The following DPP6 variants were observed in gnomAD, a reference collection of about 807,000 sequenced individuals.
DPP6 encodes A-type potassium channel modulatory protein DPP6.
In DPP6, 69 loss-of-function variants were observed where a neutral mutation model predicts 122.6. The ratio of observed to expected loss-of-function variants is 0.56; its 90% CI spans 0.46 to 0.69. DPP6 has a LOEUF of 0.69. Among genes scored for constraint, DPP6 ranks in the 30% least tolerant of loss-of-function variants. DPP6 has a pLI of 0.00. For synonymous variants in DPP6, 418 were observed against 433.1 expected (o/e 0.97, Z 0.43); for missense variants, 928 against 1,116.9 (o/e 0.83, Z 2.41).
At chr7:154,332,251 T>C (rs891978846) in intron 1 of DPP6, among the ~76,000 whole-genome samples, 1 of 152,082 alleles carries the variant, frequency 6.6e-6, no homozygotes, top group Admixed American at 6.6e-5. Context: ...TGTGTATTTT[T>C]AGTAGGGACA....
At chr7:153,985,976 A>G (rs575494954) in intron 1 of DPP6, among the ~76,000 whole-genome samples, 1 of 152,356 alleles carries the variant, frequency 6.6e-6, no homozygotes. Flanking sequence ...GCGTCTGAGT[A>G]ATCACAGACA....
intron 1 of DPP6, among the ~76,000 whole-genome samples, chr7:153,986,810 C>G (rs1350122006): frequency 6.6e-6 from 1 of 151,782 alleles, no homozygotes; most frequent in East Asian, 1.9e-4. Context: ...GATTTGTAAA[C>G]TCTTGAAGCA....
chr7:154,814,407 A>G (rs180898573), intron 16 of DPP6, among the ~76,000 whole-genome samples: 1 of 152,270 alleles, frequency 6.6e-6, no homozygotes. Context: ...GGAGGGATGA[A>G]TGAGAAGTCA....
chr7:154,774,855 AATCCCTGCAGG>A (rs1796466256), intron 10 of DPP6, among the ~76,000 whole-genome samples: 1 of 152,184 alleles, frequency 6.6e-6, no homozygotes, highest in Non-Finnish European at 1.5e-5. Context: ...CTAGCAAGTA[AATCCCTGCAGG>A]TGTGAGAAGG....
At chr7:154,552,980 T>G (rs558755195) in intron 4 of DPP6, among the ~76,000 whole-genome samples, 17 of 152,210 alleles carry the variant, frequency 1.1e-4, no homozygotes, top group Non-Finnish European at 1.9e-4. Flanking sequence ...GGTAAGATAC[T>G]TTACTCAGGG....
chr7:153,885,018 A>ATATATATATATATATG, upstream of DPP6, among the ~76,000 whole-genome samples: 1 of 136,388 alleles, frequency 7.3e-6, no homozygotes, highest in East Asian at 2.2e-4. Flanking sequence ...ATATATATAT[A>ATATATATATATATATG]TATGTTTGTC....
intron 1 of DPP6, among the ~76,000 whole-genome samples, chr7:153,919,399 G>A (rs1800528942): frequency 1.3e-5 from 2 of 152,204 alleles, no homozygotes; most frequent in East Asian, 3.9e-4. Flanking sequence ...GGTTCCAGGA[G>A]GAACCCAGGC....
intron 1 of DPP6, among the ~76,000 whole-genome samples, chr7:154,116,199 A>G (rs572435556): frequency 1.3e-5 from 2 of 152,262 alleles, no homozygotes; most frequent in East Asian, 1.9e-4. Context: ...CTTTATTTAA[A>G]TTTTCTCATC....
In DPP6 at chr7:154,621,517, T is replaced by C. The variant is rs893533688; in HGVS notation, c.628-16304T>C. On this transcript the variant is annotated intron_variant, in intron 5 of 25. Transcript: ENST00000377770. ...CCAAGTAGCTGGGATTACAGGCTCA[T>C]GCCACCACACCCAGCTAATTTTTGT... 1.6e-4 allele frequency among the ~76,000 whole-genome samples: 24 copies of C among 151,942 alleles called. No individual in the cohort carries two copies. In the East Asian group the frequency reaches 2.3e-3, roughly 15 times the overall value.
At chr7:154,876,180 G>T in intron 20 of DPP6, 80 bp downstream of exon 20, 1 of 1,429,096 alleles carries the variant, frequency 7.0e-7, no homozygotes. Context: ...TCACAGTGCG[G>T]GAATGCTTTT....
chr7:154,822,760 A>C (rs1481036942), intron 16 of DPP6, among the ~76,000 whole-genome samples: 2 of 151,870 alleles, frequency 1.3e-5, no homozygotes, highest in East Asian at 3.9e-4. Context: ...TCTAGCCCTC[A>C]TCCTGCTCCT....
chr7:154,803,913 A>T lies in DPP6; in HGVS notation c.1457A>T (p.Asp486Val). ...CAGTCCATCACCTCCGGGGACTGGG[A>T]CGTGACCAAGATCCTAGCCTACGAT... Reference protein sequence around the residue: ...NIQSITSGDWDVTKILAYDEK... With the variant: ...NIQSITSGDWVVTKILAYDEK... Residue 486 changes from aspartate to valine, a missense_variant, in exon 14 of 26, where the codon GAC (aspartate) becomes GTC (valine). Physicochemically the swap from Asp to Val is radical, Grantham distance 152 (BLOSUM62 -3). Transcript: ENST00000377770. The T allele has an allele frequency of 6.2e-7, 1 of 1,613,926 alleles. No homozygotes were observed. The highest frequency in any genetic ancestry group is 8.5e-7 in the Non-Finnish European group (1 of 1,179,860).
chr7:154,463,384 T>G (rs1821491597), intron 2 of DPP6, among the ~76,000 whole-genome samples: 1 of 151,744 alleles, frequency 6.6e-6, no homozygotes, highest in Non-Finnish European at 1.5e-5. Context: ...ATTTTTTGTG[T>G]TTTTAGTAGA....
At chr7:153,978,890 C>A (rs1485603183) in intron 1 of DPP6, among the ~76,000 whole-genome samples, 1 of 152,004 alleles carries the variant, frequency 6.6e-6, no homozygotes, top group Non-Finnish European at 1.5e-5. Flanking sequence ...GGCCTCTGTT[C>A]TGCTTCATTG....
intron 1 of DPP6, among the ~76,000 whole-genome samples, chr7:154,198,478 A>AT (rs982068254): frequency 5.9e-5 from 9 of 151,766 alleles, no homozygotes; most frequent in South Asian, 2.1e-4. Context: ...CACCTGGCTC[A>AT]TTTTTTTGTA....
intron 5 of DPP6, among the ~76,000 whole-genome samples, chr7:154,596,950 T>A (rs1833129201): frequency 6.6e-6 from 1 of 152,194 alleles, no homozygotes; most frequent in African/African-American, 2.4e-5. Flanking sequence ...TATTAGCTAA[T>A]AATTGGCTGA....
chr7:154,679,349 G>A (rs192441785), intron 7 of DPP6, among the ~76,000 whole-genome samples: 10 of 152,280 alleles, frequency 6.6e-5, no homozygotes, highest in Middle Eastern at 3.4e-3. Flanking sequence ...CTAATGCCAC[G>A]CCAGAAATTA....
the DPP6 span, among the ~76,000 whole-genome samples, chr7:153,812,264 C>T: frequency 6.6e-6 from 1 of 152,046 alleles, no homozygotes; most frequent in East Asian, 1.9e-4. Context: ...TCTACGCTCA[C>T]CTTTTAACAT....
At chr7:154,062,012 G>C (rs1454269872) in intron 1 of DPP6, among the ~76,000 whole-genome samples, 1 of 90,310 alleles carries the variant, frequency 1.1e-5, no homozygotes, top group Non-Finnish European at 2.3e-5. Flanking sequence ...TACCCCCATC[G>C]CAGGGGGGGG....
Sources: allele counts gnomAD v4.1 joint callset (sites outside exome capture counted in the v4.1 genomes callset), GRCh38; gene constraint gnomAD v4.1.1; transcripts MANE v1.5; gene names NCBI Gene and HGNC (gene_info 2026-07-23, HGNC 2026-07-21).